NALCN: variants seen among roughly 807,000 people sequenced by gnomAD.
The protein encoded by NALCN is sodium leak channel, non-selective.
NALCN carries 111 observed loss-of-function variants against 225.3 expected under a neutral mutation model. That is an observed-to-expected ratio of 0.49 (90% CI 0.42 to 0.58). The LOEUF is 0.58. Among genes scored for constraint, NALCN ranks in the 20% least tolerant of loss-of-function variants. The probability of loss-of-function intolerance (pLI) is 0.00; values close to 1 mark genes in which losing one functional copy is unlikely to be tolerated. For synonymous variants in NALCN, 764 were observed against 769.0 expected (o/e 0.99, Z 0.11); for missense variants, 1,378 against 2,202.4 (o/e 0.63, Z 7.49).
At chr13:101,284,448 T>C (rs1224615521) in intron 9 of NALCN, among the ~76,000 whole-genome samples, 1 of 152,178 alleles carries the variant, frequency 6.6e-6, no homozygotes, top group Non-Finnish European at 1.5e-5. Flanking sequence ...TGGACAGTCT[T>C]CCACTCCCTG....
At chr13:101,166,076 T>A (rs761612039) in intron 15 of NALCN, among the ~76,000 whole-genome samples, 9 of 152,282 alleles carry the variant, frequency 5.9e-5, no homozygotes, top group African/African-American at 7.2e-5. Context: ...TGTGTCAGAG[T>A]TTTATTCATG....
chr13:101,075,809 A>T, intron 35 of NALCN, 64 bp downstream of exon 35: 1 of 1,383,410 alleles, frequency 7.2e-7, no homozygotes, highest in Admixed American at 2.1e-5. Context: ...GTAATCAATT[A>T]ATCACCATTC....
At chr13:101,333,808 G>A (rs1407898208) in intron 7 of NALCN, among the ~76,000 whole-genome samples, 2 of 152,164 alleles carry the variant, frequency 1.3e-5, no homozygotes, top group Non-Finnish European at 2.9e-5. Context: ...GCTGTCGCCA[G>A]CAGAGAAAGT....
At chr13:101,284,670 G>A (rs2043279152) in intron 9 of NALCN, among the ~76,000 whole-genome samples, 1 of 152,154 alleles carries the variant, frequency 6.6e-6, no homozygotes, top group African/African-American at 2.4e-5. Context: ...GAAATTTTAT[G>A]TACGTATTAT....
chr13:101,330,853 C>T (rs1278516403), intron 7 of NALCN, among the ~76,000 whole-genome samples: 1 of 152,166 alleles, frequency 6.6e-6, no homozygotes, highest in Non-Finnish European at 1.5e-5. Context: ...CACAGGCTCT[C>T]TTGCCTGCCC....
At chr13:101,063,593 T>C (rs1393119858) in intron 40 of NALCN, among the ~76,000 whole-genome samples, 3 of 152,210 alleles carry the variant, frequency 2.0e-5, no homozygotes, top group Admixed American at 1.3e-4. Context: ...ATGACCTCCT[T>C]TGTGATTCAC....
chr13:101,377,663 T>C (rs2046732223), intron 4 of NALCN, among the ~76,000 whole-genome samples: 1 of 152,160 alleles, frequency 6.6e-6, no homozygotes, highest in South Asian at 2.1e-4. Context: ...GTTGGCAGAA[T>C]GGGCTGTGAA....
At chr13:101,232,450 CTTT>C (rs11400612) in intron 12 of NALCN, among the ~76,000 whole-genome samples, 1 of 142,622 alleles carries the variant, frequency 7.0e-6, no homozygotes, top group Admixed American at 7.0e-5. Flanking sequence ...CTTTTCTTTT[CTTT>C]TTTTTTTTTT....
At chr13:101,068,851 A>T (rs1401313044) in intron 37 of NALCN, 24 bp from the exon 38 acceptor site, 4 of 1,593,750 alleles carry the variant, frequency 2.5e-6, no homozygotes, top group East Asian at 2.3e-5. Flanking sequence ...GGGTGGAAGA[A>T]GGAGAGGATA....
chr13:101,060,722 G>C (rs571459296), intron 41 of NALCN, among the ~76,000 whole-genome samples: 95 of 152,226 alleles, frequency 6.2e-4, no homozygotes, highest in Non-Finnish European at 1.2e-3. Flanking sequence ...AAAGAGCCTT[G>C]GGTGGATGAG....
At chr13:101,091,570 AT>A (rs75152616) in intron 28 of NALCN, among the ~76,000 whole-genome samples, 58,667 of 151,946 alleles carry the variant, frequency 0.39, 11,574 homozygotes, top group East Asian at 0.47. Context: ...TCTGCTTTAT[AT>A]TTTTTTATGT....
At chr13:101,362,422 A>G (rs1266684090) in intron 6 of NALCN, among the ~76,000 whole-genome samples, 1 of 152,126 alleles carries the variant, frequency 6.6e-6, no homozygotes, top group Non-Finnish European at 1.5e-5. Context: ...CCCAGAAATG[A>G]AAGGATGGCT....
chr13:101,100,704 C>G (rs946895313), intron 27 of NALCN, 80 bp downstream of exon 27: 2 of 1,217,486 alleles, frequency 1.6e-6, no homozygotes, highest in Non-Finnish European at 1.1e-6. Flanking sequence ...CTTGGCATTC[C>G]AAAGTGCTAG....
At chr13:101,118,101 T>C (rs2139674814) in intron 18 of NALCN, among the ~76,000 whole-genome samples, 1 of 152,276 alleles carries the variant, frequency 6.6e-6, no homozygotes, top group East Asian at 1.9e-4. Flanking sequence ...GATGTGTCAG[T>C]GTAGGTTCAT....
At chr13:101,197,490 C>G (rs554879733) in intron 13 of NALCN, among the ~76,000 whole-genome samples, 1 of 151,866 alleles carries the variant, frequency 6.6e-6, no homozygotes, top group East Asian at 1.9e-4. Flanking sequence ...GCTATTTTAC[C>G]CCTCAAGTCC....
chr13:101,306,971 T>C (rs2044173018), intron 7 of NALCN, among the ~76,000 whole-genome samples: 1 of 152,178 alleles, frequency 6.6e-6, no homozygotes, highest in South Asian at 2.1e-4. Context: ...GGCTCTGAGA[T>C]GCCTTCAGTC....
intron 11 of NALCN, among the ~76,000 whole-genome samples, chr13:101,256,286 G>T (rs2042226178): frequency 6.6e-6 from 1 of 151,936 alleles, no homozygotes; most frequent in Non-Finnish European, 1.5e-5. Flanking sequence ...AGAGACCATT[G>T]ATCCTTCACC....
At chr13:101,310,811 A>G (rs1301486625) in intron 7 of NALCN, among the ~76,000 whole-genome samples, 1 of 152,164 alleles carries the variant, frequency 6.6e-6, no homozygotes, top group Non-Finnish European at 1.5e-5. Flanking sequence ...AAGGAAACTG[A>G]TAGAAAAATA....
At chr13:101,236,740 A>G (rs2041568254) in intron 12 of NALCN, among the ~76,000 whole-genome samples, 1 of 130,398 alleles carries the variant, frequency 7.7e-6, no homozygotes, top group African/African-American at 2.8e-5. Flanking sequence ...CAGGAAGGGG[A>G]ACATCACACT....
Sources: gnomAD v4.1 joint callset for allele counts (sites outside exome capture counted in the v4.1 genomes callset) on GRCh38, gnomAD v4.1.1 for gene constraint, MANE v1.5 for transcripts, NCBI Gene and HGNC (gene_info 2026-07-23, HGNC 2026-07-21) for gene names.